Variants in DNAH9 observed in about 807,000 individuals in gnomAD.
DNAH9 encodes the protein dynein axonemal heavy chain 9.
Under a neutral mutation model 471.6 loss-of-function variants are expected in DNAH9, and 345 were observed. That is an observed-to-expected ratio of 0.73 (90% confidence interval 0.67 to 0.80). The LOEUF is 0.80. Ranked by LOEUF, DNAH9 falls within the 30% of genes least tolerant of loss-of-function variation. The pLI is 0.00. For missense variants in DNAH9, 5,407 were observed against 5,609.2 expected (o/e 0.96, Z 1.15); for synonymous variants, 2,093 against 2,123.6 (o/e 0.99, Z 0.40).
chr17:11,866,518 G>A (rs1247895728), intron 50 of DNAH9, among the ~76,000 whole-genome samples: 1 of 152,182 alleles, frequency 6.6e-6, no homozygotes, highest in Non-Finnish European at 1.5e-5. Context: ...ATCTCCAGCT[G>A]CATGCTGGGA....
At position 11,823,007 on chromosome 17, in the gene DNAH9, G is replaced by A. The variant is rs1292352043; in HGVS notation, c.9219G>A (p.Leu3073=). 6.2e-7 allele frequency: 1 copy of A among 1,613,924 alleles called. No homozygotes were observed. The highest frequency in any genetic ancestry group is 2.2e-5 in the East Asian group (1 of 44,868). Residue 3073 remains leucine (L), a synonymous_variant, in exon 48 of 69, where the codon CTG becomes CTA. Coordinates refer to ENST00000262442, the MANE Select transcript of DNAH9 (RefSeq NM_001372.4). ...AGACAGAGCGGTTGGAGAACGGGCT[G>A]CTGAAGCTGCATAGCACCTCTGCCC... ...KCKTERLENG[L]LKLHSTSAQV... is the part of the protein sequence containing the mutation.
intron 28 of DNAH9, among the ~76,000 whole-genome samples, chr17:11,732,646 C>CAAA (rs34511036): frequency 1.1e-4 from 16 of 151,376 alleles, no homozygotes; most frequent in East Asian, 1.9e-4. Flanking sequence ...GTGTCAATTC[C>CAAA]AAAAAAAAAT....
At chr17:11,630,680 G>A (rs978323840) in intron 7 of DNAH9, among the ~76,000 whole-genome samples, 4 of 152,082 alleles carry the variant, frequency 2.6e-5, no homozygotes, top group Admixed American at 6.6e-5. Context: ...AAACCTGCAC[G>A]TTCTGCACAT....
At chr17:11,677,060 A>G (rs1167787175) in intron 17 of DNAH9, among the ~76,000 whole-genome samples, 1 of 152,114 alleles carries the variant, frequency 6.6e-6, no homozygotes, top group Non-Finnish European at 1.5e-5. Context: ...AATATAGTAT[A>G]TTCAGTTCTT....
rs1971788264 is a variant in DNAH9, at chr17:11,860,128, TC to T, written c.9933+5702del. On this transcript the variant is annotated intron_variant, in intron 50 of 68. Transcript: ENST00000262442. ...TCTGCAAAGTTAAAAAAGCAATAAT[TC>T]CATTTCTATTCTGTGAACGTGTCTA... Among the ~76,000 whole-genome samples, 4 of 152,232 alleles carry T rather than the reference TC, an allele frequency of 2.6e-5. 1 individual carries two copies. The South Asian group carries it at 8.3e-4, about 31-fold the overall frequency.
At chr17:11,896,328 G>A (rs925763052) in intron 59 of DNAH9, among the ~76,000 whole-genome samples, 3 of 152,096 alleles carry the variant, frequency 2.0e-5, no homozygotes, top group African/African-American at 7.2e-5. Flanking sequence ...GACTTTGTAG[G>A]CCAGACTCTG....
chr17:11,854,683 C>A (rs1191869147), intron 50 of DNAH9, among the ~76,000 whole-genome samples: 1 of 152,138 alleles, frequency 6.6e-6, no homozygotes, highest in African/African-American at 2.4e-5. Context: ...CTTTTCTGAA[C>A]AAAAGGTTAA....
chr17:11,924,064 A>G, intron 62 of DNAH9, 123 bp downstream of exon 62: 2 of 1,350,494 alleles, frequency 1.5e-6, no homozygotes, highest in African/African-American at 1.5e-5. Flanking sequence ...TGTCCCCTTC[A>G]TTTCTTCATC....
chr17:11,603,400 C>T lies in DNAH9; in HGVS notation c.417+4485C>T, dbSNP rs149741278. 2.3e-3 allele frequency among the ~76,000 whole-genome samples: 356 copies of T among 152,270 alleles called. 1 individual carries two copies. Among genetic ancestry groups the T allele is most frequent in the African/African-American group, 7.5e-3 (311 of 41,548 alleles). ...TTCTTGGTTTTTTAAGAAACGGAAACGAGAATAACAAGTCCACGAACTCTT... is the reference window on the plus strand; with the variant it reads ...TTCTTGGTTTTTTAAGAAACGGAAATGAGAATAACAAGTCCACGAACTCTT... On this transcript the variant is annotated intron_variant, in intron 1 of 68. Transcript: ENST00000262442.
intron 29 of DNAH9, among the ~76,000 whole-genome samples, chr17:11,741,842 T>C (rs575875103): frequency 5.9e-5 from 9 of 152,348 alleles, no homozygotes; most frequent in Admixed American, 4.6e-4. Context: ...ATTCATGCCT[T>C]GTGTAAGACA....
At chr17:11,672,177 C>A (rs1323869127) in intron 17 of DNAH9, among the ~76,000 whole-genome samples, 1 of 152,176 alleles carries the variant, frequency 6.6e-6, no homozygotes, top group African/African-American at 2.4e-5. Context: ...TGCCAGAAGT[C>A]CAACCCCCTT....
rs143007518 is a variant in DNAH9 at position 11,821,918 on chromosome 17, A to G, written c.8708-2A>G. 4 of 1,605,192 alleles carry G rather than the reference A, an allele frequency of 2.5e-6. No homozygotes were observed. The highest frequency in any genetic ancestry group is 2.7e-5 in the African/African-American group (2 of 74,248). On this transcript the variant is annotated splice_acceptor_variant, in intron 45 of 68. Transcript: ENST00000262442. LOFTEE classifies it high-confidence loss of function. ...GCCTATCTGTGCTCCATTTTTTCCC[A>G]GGGGAGATCCCAGATCTCTACTCTG...
At chr17:11,611,110 T>C (rs2072626279) in intron 3 of DNAH9, among the ~76,000 whole-genome samples, 1 of 152,144 alleles carries the variant, frequency 6.6e-6, no homozygotes, top group African/African-American at 2.4e-5. Flanking sequence ...CTCACTCCAA[T>C]TTATTATCGT....
chr17:11,871,692 T>C lies in DNAH9; in HGVS notation c.10148T>C (p.Ile3383Thr), dbSNP rs771656853. Residue 3383 changes from isoleucine (I) to threonine (T), a missense_variant, in exon 52 of 69, where the codon ATA (isoleucine) becomes ACA (threonine). Around this residue, in one of 3 missense-constraint regions of DNAH9, gnomAD observed 4,636 missense variants for 4,900.3 expected, o/e 0.95. Coordinates refer to ENST00000262442, the MANE Select transcript of DNAH9 (RefSeq NM_001372.4). ...ACGTTATGTGGAGACATTTTACTTA[T>C]AACGGCTTTCATTTCCTACCTTGGC... Reference protein sequence around the residue: ...ERTLCGDILLITAFISYLGFF... With the variant: ...ERTLCGDILLTTAFISYLGFF... The C allele has an allele frequency of 2.5e-6, 4 of 1,614,226 alleles. No individual in the cohort carries two copies. Among genetic ancestry groups the C allele is most frequent in the East Asian group, 2.2e-5 (1 of 44,890 alleles).
At chr17:11,664,257 C>T (rs904363802) in intron 14 of DNAH9, among the ~76,000 whole-genome samples, 2 of 144,794 alleles carry the variant, frequency 1.4e-5, no homozygotes, top group Non-Finnish European at 3.0e-5. Flanking sequence ...AAAGAGAAGG[C>T]GGGGAGGAAG....
intron 28 of DNAH9, among the ~76,000 whole-genome samples, chr17:11,733,385 C>A (rs2075297934): frequency 6.6e-6 from 1 of 152,174 alleles, no homozygotes; most frequent in South Asian, 2.1e-4. Flanking sequence ...AAGGCCCTAG[C>A]CTGAGTGGGA....
At position 11,669,938 on chromosome 17, in the gene DNAH9, A is replaced by G. The variant is rs2073947799; in HGVS notation, c.3353+144A>G. 1.7e-5 allele frequency: 12 copies of G among 722,778 alleles called. No individual in the cohort carries two copies. In the Admixed American group the frequency reaches 1.8e-4, roughly 11 times the overall value. The allele number at this position is 722,778 out of a possible 1,614,324, so 44.8% of individuals were successfully genotyped here. The stretch of plus-strand genomic sequence containing the variant: ...CTGGTTAGAGGTTCTAGGCTTTTGG[A>G]CACCATGGTAACTTAAGTCCTGCCC... On this transcript the variant is annotated intron_variant, in intron 17 of 68. Transcript: ENST00000262442.
chr17:11,822,974 C>T lies in DNAH9; in HGVS notation c.9186C>T (p.Leu3062=), dbSNP rs763900153. The T allele has an allele frequency of 1.7e-5, 27 of 1,614,034 alleles. 1 individual carries two copies. In the South Asian group the frequency reaches 2.9e-4, roughly 17 times the overall value. The stretch of plus-strand genomic sequence containing the variant: ...TGTTGCACAGGCACAGAAAAGAGCT[C>T]AAGTGCAAGACAGAGCGGTTGGAGA... The part of the protein sequence containing the change: ...QSLLHRHRKE[L]KCKTERLENG... The change falls in exon 48 of 69, where the codon CTC becomes CTT. Residue 3062 remains leucine (L), a synonymous_variant. Coordinates refer to ENST00000262442, the MANE Select transcript of DNAH9 (RefSeq NM_001372.4).
intron 43 of DNAH9, among the ~76,000 whole-genome samples, chr17:11,801,668 G>A (rs1361523532): frequency 6.6e-6 from 1 of 152,074 alleles, no homozygotes; most frequent in Non-Finnish European, 1.5e-5. Context: ...TCCAGCCTGG[G>A]CAACAAGAGT....
Sources: allele counts gnomAD v4.1 joint callset (sites outside exome capture counted in the v4.1 genomes callset), GRCh38; gene constraint gnomAD v4.1.1; regional missense constraint gnomAD v4.1.1; transcripts MANE v1.5; gene names NCBI Gene and HGNC (gene_info 2026-07-23, HGNC 2026-07-21).